The following CAMK1D variants were observed in gnomAD, a reference collection of about 807,000 sequenced individuals.
The protein encoded by CAMK1D is calcium/calmodulin-dependent protein kinase type 1D.
Under a neutral mutation model 47.7 loss-of-function variants are expected in CAMK1D, and 9 were observed. The ratio of observed to expected loss-of-function variants is 0.19; its 90% CI spans 0.11 to 0.33. CAMK1D has a LOEUF of 0.33. Ranked by LOEUF, CAMK1D falls within the 10% of genes least tolerant of loss-of-function variation. CAMK1D has a pLI of 1.00. For missense variants in CAMK1D, 291 were observed against 488.7 expected, an observed-to-expected ratio of 0.60 and a Z score of 3.81; for synonymous variants, 184 against 184.9, an observed-to-expected ratio of 0.99 and a Z score of 0.04.
chr10:12,823,542 A>G (rs569399967), intron 8 of CAMK1D, among the ~76,000 whole-genome samples: 1 of 152,098 alleles, frequency 6.6e-6, no homozygotes, highest in South Asian at 2.1e-4. Context: ...CTCAGCCTGG[A>G]TATTGTGAGC....
chr10:12,741,217 C>T (rs1236251101), intron 3 of CAMK1D, among the ~76,000 whole-genome samples: 3 of 152,198 alleles, frequency 2.0e-5, no homozygotes, highest in African/African-American at 4.8e-5. Context: ...CCTGTCTTCT[C>T]ATCACCTCTC....
intron 1 of CAMK1D, among the ~76,000 whole-genome samples, chr10:12,409,249 C>T (rs939827043): frequency 3.3e-5 from 5 of 152,088 alleles, no homozygotes; most frequent in Non-Finnish European, 7.4e-5. Context: ...GAGCAGGCAC[C>T]GAGACCCCTC....
At chr10:12,509,594 C>T (rs1470374615) in intron 1 of CAMK1D, among the ~76,000 whole-genome samples, 3 of 152,096 alleles carry the variant, frequency 2.0e-5, no homozygotes, top group Non-Finnish European at 2.9e-5. Context: ...AAAAACGAAA[C>T]AAAATGAGTA....
chr10:12,523,771 AGGGAGAGGGAGC>A, intron 1 of CAMK1D, among the ~76,000 whole-genome samples: 1 of 152,160 alleles, frequency 6.6e-6, no homozygotes, highest in East Asian at 1.9e-4. Context: ...GGAGAGGGAG[AGGGAGAGGGAGC>A]GGGAGAGGTA....
chr10:12,359,524 GTT>G (rs113839973), intron 1 of CAMK1D, among the ~76,000 whole-genome samples: 1 of 144,432 alleles, frequency 6.9e-6, no homozygotes. Flanking sequence ...TAGCTTCTCG[GTT>G]TTTTTTTTTT....
intron 3 of CAMK1D, among the ~76,000 whole-genome samples, chr10:12,691,769 A>G (rs936105868): frequency 6.6e-6 from 1 of 152,062 alleles, no homozygotes; most frequent in Non-Finnish European, 1.5e-5. Flanking sequence ...TTTAATATGC[A>G]GTATATGTGG....
intron 1 of CAMK1D, among the ~76,000 whole-genome samples, chr10:12,492,191 G>A (rs1310336111): frequency 6.6e-6 from 1 of 152,062 alleles, no homozygotes; most frequent in African/African-American, 2.4e-5. Context: ...GCGGCTGCAG[G>A]CCTGGCTCCT....
chr10:12,383,211 CTT>C (rs938285052), intron 1 of CAMK1D, among the ~76,000 whole-genome samples: 1 of 151,882 alleles, frequency 6.6e-6, no homozygotes, highest in African/African-American at 2.4e-5. Context: ...TCAAATCCCT[CTT>C]TGTTTTAGGA....
intron 2 of CAMK1D, among the ~76,000 whole-genome samples, chr10:12,639,857 G>A (rs1023591091): frequency 4.6e-5 from 7 of 151,950 alleles, no homozygotes; most frequent in African/African-American, 1.4e-4. Context: ...TTTTTTGTTT[G>A]TTTGTTTGGG....
intron 6 of CAMK1D, among the ~76,000 whole-genome samples, chr10:12,792,532 G>T (rs1400036668): frequency 6.6e-6 from 1 of 152,218 alleles, no homozygotes; most frequent in East Asian, 1.9e-4. Context: ...ATTGGAGAAA[G>T]TTCTGGCAGT....
At chr10:12,808,670 C>T (rs568942659) in intron 6 of CAMK1D, among the ~76,000 whole-genome samples, 1 of 151,942 alleles carries the variant, frequency 6.6e-6, no homozygotes, top group South Asian at 2.1e-4. Flanking sequence ...CCCAGCTACT[C>T]TGGAGGCTGA....
At chr10:12,405,869 A>G (rs1397731582) in intron 1 of CAMK1D, among the ~76,000 whole-genome samples, 1 of 152,222 alleles carries the variant, frequency 6.6e-6, no homozygotes, top group Non-Finnish European at 1.5e-5. Flanking sequence ...GCTTAGCAAT[A>G]ATTTGCCAGC....
intron 1 of CAMK1D, among the ~76,000 whole-genome samples, chr10:12,393,669 C>A (rs951880385): frequency 6.6e-6 from 1 of 152,194 alleles, no homozygotes; most frequent in Non-Finnish European, 1.5e-5. Context: ...GATGGAGACA[C>A]CCAGCCCACC....
intron 6 of CAMK1D, among the ~76,000 whole-genome samples, chr10:12,809,349 C>T (rs886822782): frequency 3.9e-5 from 6 of 151,948 alleles, no homozygotes; most frequent in Non-Finnish European, 5.9e-5. Flanking sequence ...AACAGTGTGG[C>T]AATTCCTCAG....
chr10:12,804,654 C>T (rs1274124760), intron 6 of CAMK1D, among the ~76,000 whole-genome samples: 1 of 151,300 alleles, frequency 6.6e-6, no homozygotes. Flanking sequence ...AAGATACAGG[C>T]TGAGTATGAT....
At chr10:12,730,189 G>A (rs1212787573) in intron 3 of CAMK1D, among the ~76,000 whole-genome samples, 1 of 152,148 alleles carries the variant, frequency 6.6e-6, no homozygotes, top group Admixed American at 6.5e-5. Context: ...CAGGATGGTT[G>A]CCAGGGAGAT....
intron 3 of CAMK1D, among the ~76,000 whole-genome samples, chr10:12,734,375 T>G (rs12784568): frequency 0.82 from 31,729 of 38,784 alleles, 13,237 homozygotes; most frequent in East Asian, 0.89. Context: ...TATATATATA[T>G]ATAGATATAG....
chr10:12,604,213 G>T (rs1175833306), intron 2 of CAMK1D, among the ~76,000 whole-genome samples: 2 of 152,156 alleles, frequency 1.3e-5, no homozygotes, highest in Non-Finnish European at 2.9e-5. Context: ...AACCAAGCCT[G>T]TGCCTGGTAC....
At chr10:12,657,691 G>A (rs926688603) in intron 2 of CAMK1D, among the ~76,000 whole-genome samples, 40 of 152,208 alleles carry the variant, frequency 2.6e-4, no homozygotes, top group Non-Finnish European at 5.6e-4. Context: ...AAACTGGAAA[G>A]TGAGAATCTT....
Sources: allele counts gnomAD v4.1 joint callset (sites outside exome capture counted in the v4.1 genomes callset), GRCh38; gene constraint gnomAD v4.1.1; transcripts MANE v1.5; gene names NCBI Gene and HGNC (gene_info 2026-07-23, HGNC 2026-07-21).